Variants in UBAC2 observed in about 807,000 individuals in gnomAD.
The protein encoded by UBAC2 is ubiquitin-associated domain-containing protein 2.
A neutral mutation model predicts 44.0 loss-of-function variants in UBAC2; 26 were observed. The ratio of observed to expected loss-of-function variants is 0.59; its 90% CI spans 0.43 to 0.82. UBAC2 has a LOEUF of 0.82. Among genes scored for constraint, UBAC2 ranks in the 40% least tolerant of loss-of-function variants. UBAC2 has a pLI of 0.00. For missense variants in UBAC2, 329 were observed against 419.4 expected (o/e 0.78, Z 1.88); for synonymous variants, 155 against 154.3 (o/e 1.00, Z -0.04).
intron 1 of UBAC2, chr13:99,215,570 G>T (rs772522594): frequency 7.2e-7 from 1 of 1,392,862 alleles, no homozygotes; most frequent in African/African-American, 1.4e-5. Flanking sequence ...GTCCCTCTGC[G>T]GTGAGGTACT....
At chr13:99,311,642 T>G (rs2044412410) in intron 4 of UBAC2, among the ~76,000 whole-genome samples, 1 of 152,246 alleles carries the variant, frequency 6.6e-6, no homozygotes, top group Non-Finnish European at 1.5e-5. Flanking sequence ...AGATAAAATA[T>G]GATGCTTTCT....
intron 2 of UBAC2, among the ~76,000 whole-genome samples, chr13:99,242,045 G>GCAAA (rs565311959): frequency 0.01 from 1,579 of 151,516 alleles, 19 homozygotes; most frequent in African/African-American, 0.037. Context: ...AGAGAGCACA[G>GCAAA]GGTTGGGGGT....
intron 4 of UBAC2, among the ~76,000 whole-genome samples, chr13:99,300,957 G>GC (rs1043840613): frequency 6.6e-6 from 1 of 150,730 alleles, no homozygotes; most frequent in African/African-American, 2.4e-5. Flanking sequence ...TTATTAGGCA[G>GC]CAGCTTCTGA....
chr13:99,205,525 G>A (rs574237179), intron 1 of UBAC2, among the ~76,000 whole-genome samples: 71 of 152,330 alleles, frequency 4.7e-4, no homozygotes, highest in African/African-American at 1.6e-3. Context: ...TAGCATGAGT[G>A]TCAGAAACCT....
chr13:99,226,518 C>T (rs958895555), intron 1 of UBAC2, among the ~76,000 whole-genome samples: 3 of 152,124 alleles, frequency 2.0e-5, no homozygotes, highest in African/African-American at 7.2e-5. Flanking sequence ...ACTGTAATTT[C>T]TTCTCAATTT....
At chr13:99,340,239 G>A in intron 6 of UBAC2, 81 bp from the exon 7 acceptor site, 2 of 1,509,252 alleles carry the variant, frequency 1.3e-6, no homozygotes, top group East Asian at 2.3e-5. Flanking sequence ...GCAGTGTCTG[G>A]AGGCTGCTGA....
intron 4 of UBAC2, chr13:99,254,725 A>G: frequency 1.6e-6 from 1 of 627,222 alleles, no homozygotes; most frequent in Non-Finnish European, 2.6e-6. Context: ...AATAATTCAC[A>G]AAAATGTTTT....
chr13:99,353,058 T>A (rs2045120510), intron 7 of UBAC2, among the ~76,000 whole-genome samples: 1 of 152,238 alleles, frequency 6.6e-6, no homozygotes, highest in South Asian at 2.1e-4. Context: ...TTTGGTGCAA[T>A]TTGATTTGAA....
chr13:99,273,002 C>CTT (rs201905018), intron 4 of UBAC2, among the ~76,000 whole-genome samples: 2 of 130,070 alleles, frequency 1.5e-5, no homozygotes, highest in East Asian at 2.2e-4. Flanking sequence ...ACAGGTTACT[C>CTT]TTTTTTTTTT....
intron 1 of UBAC2, chr13:99,201,462 G>A: frequency 6.2e-7 from 1 of 1,614,102 alleles, no homozygotes; most frequent in Non-Finnish European, 8.5e-7. Context: ...AACACACACT[G>A]ATGAGAGTGC....
chr13:99,287,636 TTTC>T (rs1415805871), intron 4 of UBAC2, among the ~76,000 whole-genome samples: 33 of 103,120 alleles, frequency 3.2e-4, no homozygotes, highest in Middle Eastern at 4.3e-3. Flanking sequence ...TTCTTTTTTT[TTTC>T]TTTCTTTTTT....
At chr13:99,242,349 C>A (rs1299080123) in intron 2 of UBAC2, among the ~76,000 whole-genome samples, 2 of 150,186 alleles carry the variant, frequency 1.3e-5, no homozygotes, top group African/African-American at 2.4e-5. Flanking sequence ...CCACCTCCCT[C>A]CCGGACGGGG....
chr13:99,356,525 A>G (rs1052371109), intron 7 of UBAC2, among the ~76,000 whole-genome samples: 3 of 152,236 alleles, frequency 2.0e-5, no homozygotes, highest in African/African-American at 7.2e-5. Context: ...TATCTCATCC[A>G]TCAACACTGG....
At chr13:99,328,970 C>A (rs2044677291) in intron 6 of UBAC2, among the ~76,000 whole-genome samples, 1 of 152,174 alleles carries the variant, frequency 6.6e-6, no homozygotes, top group Non-Finnish European at 1.5e-5. Context: ...GGTCTGTGAT[C>A]CAGTTTGAGT....
At position 99,201,226 on chromosome 13, in the gene UBAC2, A is replaced by G. The variant is rs985001813; in HGVS notation, c.31+287A>G. 57 of 1,427,350 alleles carry G rather than the reference A, an allele frequency of 4.0e-5. No homozygotes were observed. In the Middle Eastern group the frequency reaches 6.6e-4, roughly 17 times the overall value. The allele number at this position is 1,427,350 out of a possible 1,614,324, so 88.4% of individuals were successfully genotyped here. On this transcript the variant is annotated intron_variant, in intron 1 of 8. Coordinates refer to ENST00000403766, the MANE Select transcript of UBAC2 (RefSeq NM_001144072.2). ...TCTCTTGGGGCCGCTGCAAGTGGGC[A>G]GGTGCCCTGGTGTTCTCGTGGGCCG...
chr13:99,223,201 T>A (rs893543989), intron 1 of UBAC2, among the ~76,000 whole-genome samples: 2 of 152,142 alleles, frequency 1.3e-5, no homozygotes, highest in African/African-American at 4.8e-5. Flanking sequence ...AAGAAATACA[T>A]AACATAAAAC....
chr13:99,224,791 A>C (rs61968340), intron 1 of UBAC2, among the ~76,000 whole-genome samples: 3,861 of 152,314 alleles, frequency 0.025, 55 homozygotes, highest in Middle Eastern at 0.11. Context: ...TAAACACTTA[A>C]ATGTGCATTG....
At chr13:99,344,463 T>C (rs1359837550) in intron 7 of UBAC2, among the ~76,000 whole-genome samples, 1 of 152,240 alleles carries the variant, frequency 6.6e-6, no homozygotes, top group Non-Finnish European at 1.5e-5. Flanking sequence ...TGTTTGCTCC[T>C]GTATCTTTTA....
intron 8 of UBAC2, among the ~76,000 whole-genome samples, chr13:99,368,108 G>A (rs72651006): frequency 0.017 from 2,599 of 152,238 alleles, 31 homozygotes; most frequent in Non-Finnish European, 0.025. Flanking sequence ...TATTGGTTGG[G>A]GGGCGGCGGG....
Sources: allele counts gnomAD v4.1 joint callset (sites outside exome capture counted in the v4.1 genomes callset), GRCh38; gene constraint gnomAD v4.1.1; transcripts MANE v1.5; gene names NCBI Gene and HGNC (gene_info 2026-07-23, HGNC 2026-07-21).